Variants in TFF3 observed in about 807,000 individuals in gnomAD.
TFF3 encodes the protein trefoil factor 3.
Under a neutral mutation model 9.7 loss-of-function variants are expected in TFF3, and 6 were observed. The ratio of observed to expected loss-of-function variants is 0.62; its 90% confidence interval spans 0.34 to 1.22. The LOEUF is 1.22. Among genes scored for constraint, TFF3 ranks in the 50% most tolerant of loss-of-function variants. The pLI is 0.04. For synonymous variants in TFF3, 48 were observed against 41.4 expected (o/e 1.16, Z -0.61); for missense variants, 93 against 98.6 (o/e 0.94, Z 0.24).
chr21:42,313,670 G>C lies in TFF3; in HGVS notation c.83-39C>G. 1 of 1,581,336 alleles carries C rather than the reference G, an allele frequency of 6.3e-7. No individual in the cohort carries two copies. The highest frequency in any genetic ancestry group is 8.6e-7 in the Non-Finnish European group (1 of 1,162,890). On this transcript the variant is annotated intron_variant, in intron 1 of 2. Transcript: ENST00000518498. This position sits in a 1 kb window ranked among gnomAD's most constrained non-coding sequence, Gnocchi z 4.0. ...AGCCCTGTCAGCTGCCAGAGCCCTTGCTGGGCTGCGGTGAGTGTGTTTGCT... is the reference window on the plus strand; with the variant it reads ...AGCCCTGTCAGCTGCCAGAGCCCTTCCTGGGCTGCGGTGAGTGTGTTTGCT...
At chr21:42,314,276 C>G (rs1418805393) in intron 1 of TFF3, among the ~76,000 whole-genome samples, 1 of 152,230 alleles carries the variant, frequency 6.6e-6, no homozygotes, top group East Asian at 1.9e-4. Flanking sequence ...CTTACATTCC[C>G]TTCTCTTGCT....
Position 42,313,568 on chromosome 21 carries a change from G to T in TFF3, c.146C>A (p.Pro49His), listed in dbSNP as rs1463839161. Residue 49 changes from proline (P) to histidine (H), a missense_variant, in exon 2 of 3, where the codon CCC becomes CAC. Physicochemically the swap from Pro to His is moderately conservative, Grantham distance 77 (BLOSUM62 -2). Transcript: ENST00000518498. The surrounding 1 kb of genome is among the most constrained non-coding windows in gnomAD (Gnocchi z 4.0). ...GCAGCCCCGGTTGTTGCACTCCTTGGGGGTGACATGGGGGTAGCCGCAGTC... is the reference window on the plus strand; with the variant it reads ...GCAGCCCCGGTTGTTGCACTCCTTGTGGGTGACATGGGGGTAGCCGCAGTC... ...RVDCGYPHVTPKECNNRGCCF... is the reference protein window; with the variant it reads ...RVDCGYPHVTHKECNNRGCCF... The T allele has an allele frequency of 6.2e-7, 1 of 1,611,286 alleles. No individual in the cohort carries two copies. Among genetic ancestry groups the T allele is most frequent in the Non-Finnish European group, 8.5e-7 (1 of 1,179,602 alleles).
At position 42,313,833 on chromosome 21, in the gene TFF3, G is replaced by A; in HGVS notation, c.83-202C>T. On this transcript the variant is annotated intron_variant, in intron 1 of 2. Transcript: ENST00000518498. The surrounding 1 kb of genome is among the most constrained non-coding windows in gnomAD (Gnocchi z 4.0). ...CAGTCTGTTAAATGCTCAGCTCGGG[G>A]ACTCTGGCCATTTGCCTAAGTGTCT... 1.7e-6 allele frequency: 1 copy of A among 583,314 alleles called. No individual in the cohort carries two copies. Among genetic ancestry groups the A allele is most frequent in the African/African-American group, 2.0e-5 (1 of 51,224 alleles). 36.1% of individuals were successfully genotyped at this position (583,314 alleles called of 1,614,324 possible).
chr21:42,312,696 G>C (rs1488829991), intron 2 of TFF3, among the ~76,000 whole-genome samples: 2 of 152,178 alleles, frequency 1.3e-5, no homozygotes, highest in Non-Finnish European at 2.9e-5. Flanking sequence ...GGGAGCCGGG[G>C]CCAGCAGGAC....
chr21:42,315,181 A>G, intron 1 of TFF3, 112 bp downstream of exon 1: 1 of 1,382,112 alleles, frequency 7.2e-7, no homozygotes, highest in Non-Finnish European at 9.6e-7. Flanking sequence ...GCGCAGGAAA[A>G]AGTGTATATG....
In TFF3 at chr21:42,313,492, C is replaced by T; in HGVS notation, c.222G>A (p.Gln74=). ...ATGCCACTGGGGCCTTACCTGCTTC[C>T]TGCAGGGGCTTGAAACACCAAGGCA... The part of the protein sequence containing the change: ...PGVPWCFKPL[Q]EAECTF The change falls in exon 2 of 3, where the codon CAG becomes CAA. Residue 74 remains glutamine (Q), a synonymous_variant. Transcript: ENST00000518498. The surrounding 1 kb of genome is among the most constrained non-coding windows in gnomAD (Gnocchi z 4.0). 1 of 1,608,936 alleles carries T rather than the reference C, an allele frequency of 6.2e-7. No individual in the cohort carries two copies. The highest frequency in any genetic ancestry group is 8.5e-7 in the Non-Finnish European group (1 of 1,178,428).
chr21:42,313,572 T>A lies in TFF3; in HGVS notation c.142A>T (p.Thr48Ser). ...DRVDCGYPHV[T>S]PKECNNRGCC... ...CCCCGGTTGTTGCACTCCTTGGGGG[T>A]GACATGGGGGTAGCCGCAGTCCACC... The change falls in exon 2 of 3, where the codon ACC (threonine) becomes TCC (serine). Residue 48 changes from threonine (T) to serine (S), a missense_variant. Transcript: ENST00000518498. This position sits in a 1 kb window ranked among gnomAD's most constrained non-coding sequence, Gnocchi z 4.0. 6.2e-7 allele frequency: 1 copy of A among 1,611,046 alleles called. No individual in the cohort carries two copies. Among genetic ancestry groups the A allele is most frequent in the East Asian group, 2.2e-5 (1 of 44,778 alleles).
chr21:42,312,251 G>T lies in TFF3; in HGVS notation c.*5C>A, dbSNP rs1251739630. 6.2e-7 allele frequency: 1 copy of T among 1,612,670 alleles called. No individual in the cohort carries two copies. Among genetic ancestry groups the T allele is most frequent in the African/African-American group, 1.3e-5 (1 of 74,866 alleles). ...ATCCCCCGGCCGGGGGCAGCTGGAGGTGCCTCAGAAGGTGCATTCTGCAAA... is the reference window on the plus strand; with the variant it reads ...ATCCCCCGGCCGGGGGCAGCTGGAGTTGCCTCAGAAGGTGCATTCTGCAAA... On this transcript the variant is annotated 3_prime_UTR_variant, in exon 3 of 3. Transcript: ENST00000518498.
At position 42,311,709 on chromosome 21, in the gene TFF3, C is replaced by A; in HGVS notation, c.*547G>T. The A allele has an allele frequency of 5.7e-6, 1 of 175,568 alleles. No homozygotes were observed. The highest frequency in any genetic ancestry group is 5.5e-5 in the Admixed American group (1 of 18,340). The allele number at this position is 175,568 out of a possible 1,614,324, so 10.9% of individuals were successfully genotyped here. On this transcript the variant is annotated 3_prime_UTR_variant, in exon 3 of 3. Transcript: ENST00000518498. ...TGTTTACTGTACAAAGAAACAAAAC[C>A]CAGGAATAGTACAAGTATTGAACAG...
chr21:42,312,112 G>C lies in TFF3; in HGVS notation c.*144C>G. The C allele has an allele frequency of 3.7e-6, 4 of 1,091,944 alleles. No individual in the cohort carries two copies. Among genetic ancestry groups the C allele is most frequent in the Non-Finnish European group, 5.7e-6 (4 of 706,146 alleles). The allele number at this position is 1,091,944 out of a possible 1,614,324, so 67.6% of individuals were successfully genotyped here. A position where few individuals can be genotyped will look rare whatever the true frequency, so the allele number is the denominator to read the frequency against. On this transcript the variant is annotated 3_prime_UTR_variant, in exon 3 of 3. Coordinates refer to ENST00000518498, the MANE Select transcript of TFF3 (RefSeq NM_003226.4). Reference sequence around the variant, plus strand: ...GGACCTTTATTCGTTAAGACATCAGGCTCCAGATATGAACTTTCAGCAGAA... The same window carrying C: ...GGACCTTTATTCGTTAAGACATCAGCCTCCAGATATGAACTTTCAGCAGAA...
chr21:42,312,396 T>A, intron 2 of TFF3, 127 bp from the exon 3 acceptor site: 1 of 1,129,908 alleles, frequency 8.9e-7, no homozygotes, highest in Non-Finnish European at 1.3e-6. Flanking sequence ...CCGGGGAGTG[T>A]TGAGTCCCCA....
At chr21:42,312,615 A>C (rs899905207) in intron 2 of TFF3, among the ~76,000 whole-genome samples, 2 of 151,032 alleles carry the variant, frequency 1.3e-5, no homozygotes. Context: ...CTGGACCCCC[A>C]CCCCCACCCC....
chr21:42,313,586 C>G lies in TFF3; in HGVS notation c.128G>C (p.Gly43Ala), dbSNP rs1289288163. The G allele has an allele frequency of 1.9e-6, 3 of 1,611,192 alleles. No individual in the cohort carries two copies. Among genetic ancestry groups the G allele is most frequent in the Non-Finnish European group, 2.5e-6 (3 of 1,179,612 alleles). ...AVPAKDRVDC[G>A]YPHVTPKECN... ...CTCCTTGGGGGTGACATGGGGGTAGCCGCAGTCCACCCTGTCCTTGGCTGG... is the reference window on the plus strand; with the variant it reads ...CTCCTTGGGGGTGACATGGGGGTAGGCGCAGTCCACCCTGTCCTTGGCTGG... Residue 43 changes from glycine (G) to alanine (A), a missense_variant, in exon 2 of 3, where the codon GGC becomes GCC. Physicochemically the swap from Gly to Ala is moderately conservative, Grantham distance 60. Coordinates refer to ENST00000518498, the MANE Select transcript of TFF3 (RefSeq NM_003226.4). This position sits in a 1 kb window ranked among gnomAD's most constrained non-coding sequence, Gnocchi z 4.0.
In TFF3 at chr21:42,312,216, C is replaced by T. The variant is rs369914568; in HGVS notation, c.*40G>A. On this transcript the variant is annotated 3_prime_UTR_variant, in exon 3 of 3. Transcript: ENST00000518498. ...CAATCACAGCCGGGCAAGGGTGCTC[C>T]GAGCCTCGCATCCCCCGGCCGGGGG... 3.7e-6 allele frequency: 6 copies of T among 1,613,782 alleles called. No homozygotes were observed. The African/African-American group carries it at 4.0e-5, about 11-fold the overall frequency.
chr21:42,313,888 C>T lies in TFF3; in HGVS notation c.83-257G>A, dbSNP rs1010576646. ...CCTTGGCACGCTCTTATCACCTTCTCGGGAAGTCACATACGGACCTGGGTA... is the reference window on the plus strand; with the variant it reads ...CCTTGGCACGCTCTTATCACCTTCTTGGGAAGTCACATACGGACCTGGGTA... On this transcript the variant is annotated intron_variant, in intron 1 of 2. Coordinates refer to ENST00000518498, the MANE Select transcript of TFF3 (RefSeq NM_003226.4). This position sits in a 1 kb window ranked among gnomAD's most constrained non-coding sequence, Gnocchi z 4.0. Among the ~76,000 whole-genome samples the T allele has an allele frequency of 6.6e-6, 1 of 152,174 alleles. No individual in the cohort carries two copies. The highest frequency in any genetic ancestry group is 1.5e-5 in the Non-Finnish European group (1 of 68,026).
intron 1 of TFF3, among the ~76,000 whole-genome samples, chr21:42,314,617 C>T (rs1177485961): frequency 6.6e-6 from 1 of 152,244 alleles, no homozygotes; most frequent in African/African-American, 2.4e-5. Flanking sequence ...TGTGCCACTG[C>T]ACTCCAGCAG....
chr21:42,315,236 C>G, intron 1 of TFF3, 57 bp downstream of exon 1: 2 of 1,576,286 alleles, frequency 1.3e-6, no homozygotes, highest in Middle Eastern at 1.9e-4. Context: ...CCCCCTTATC[C>G]TGGATCCCTT....
intron 2 of TFF3, among the ~76,000 whole-genome samples, chr21:42,312,858 C>T (rs577606412): frequency 3.8e-4 from 58 of 152,274 alleles, no homozygotes; most frequent in African/African-American, 1.3e-3. Context: ...GCCCCACCCA[C>T]GATGTGGGGC....
At position 42,315,289 on chromosome 21, in the gene TFF3, T is replaced by A. The variant is rs775898434; in HGVS notation, c.82+4A>T. 2.5e-6 allele frequency: 4 copies of A among 1,612,740 alleles called. No individual in the cohort carries two copies. Among genetic ancestry groups the A allele is most frequent in the Non-Finnish European group, 3.4e-6 (4 of 1,179,584 alleles). ...GCCACCGGGGCAGTCAGGGCAGTACTCACACAGGCCCACGTACTCCTCAGC... is the reference window on the plus strand; with the variant it reads ...GCCACCGGGGCAGTCAGGGCAGTACACACACAGGCCCACGTACTCCTCAGC... On this transcript the variant is annotated splice_donor_region_variant and intron_variant, in intron 1 of 2. Coordinates refer to ENST00000518498, the MANE Select transcript of TFF3 (RefSeq NM_003226.4).
Sources: allele counts gnomAD v4.1 joint callset (sites outside exome capture counted in the v4.1 genomes callset), GRCh38; gene constraint gnomAD v4.1.1; non-coding constraint Gnocchi (gnomAD v3.1); transcripts MANE v1.5; gene names NCBI Gene and HGNC (gene_info 2026-07-23, HGNC 2026-07-21).